Variants in TEX10 observed in about 807,000 individuals in gnomAD.
The protein encoded by TEX10 is testis-expressed protein 10.
A neutral mutation model predicts 104.4 loss-of-function variants in TEX10; 24 were observed. That is an observed-to-expected ratio of 0.23 (90% confidence interval 0.17 to 0.32). The LOEUF is 0.32. TEX10 is among the 10% of genes least tolerant of loss of function. The pLI is 1.00. For synonymous variants in TEX10, 396 were observed against 393.4 expected, an observed-to-expected ratio of 1.01 and a Z score of -0.08; for missense variants, 921 against 1,083.9, an observed-to-expected ratio of 0.85 and a Z score of 2.11.
chr9:100,341,160 T>C (rs1835162270), intron 4 of TEX10, among the ~76,000 whole-genome samples: 1 of 152,194 alleles, frequency 6.6e-6, no homozygotes, highest in African/African-American at 2.4e-5. Flanking sequence ...AGAGCTGGGT[T>C]TCACCATGTT....
rs1219616766 is a variant in TEX10, at chr9:100,340,251, T to C, written c.1250+6A>G. 3 of 1,518,208 alleles carry C rather than the reference T, an allele frequency of 2.0e-6. No homozygotes were observed. Among genetic ancestry groups the C allele is most frequent in the South Asian group, 2.5e-5 (2 of 79,390 alleles). 94.0% of individuals were successfully genotyped at this position (1,518,208 alleles called of 1,614,324 possible). A position where few individuals can be genotyped will look rare whatever the true frequency, so the allele number is the denominator to read the frequency against. On this transcript the variant is annotated splice_donor_region_variant and intron_variant, in intron 5 of 14. Transcript: ENST00000374902. ...AAGGTTATACAGTGAAAAAGAATCA[T>C]AATACCTTTTATTTGGCTCTTTCCT...
chr9:100,338,278 T>G (rs943961181), intron 5 of TEX10, among the ~76,000 whole-genome samples: 2 of 152,078 alleles, frequency 1.3e-5, no homozygotes, highest in Admixed American at 1.3e-4. Context: ...CAGACTCCAG[T>G]TTGTAGTTTT....
intron 4 of TEX10, 46 bp downstream of exon 4, chr9:100,346,026 T>TA: frequency 1.3e-6 from 2 of 1,551,146 alleles, no homozygotes; most frequent in Non-Finnish European, 1.7e-6. Context: ...CCATTTATGA[T>TA]AAAAGGCTAT....
chr9:100,325,133 T>C (rs1226827872), intron 9 of TEX10, among the ~76,000 whole-genome samples: 1 of 152,220 alleles, frequency 6.6e-6, no homozygotes, highest in East Asian at 1.9e-4. Context: ...ATATCTGTCC[T>C]ATACTGGTAT....
chr9:100,327,139 A>G (rs770797420), intron 8 of TEX10, among the ~76,000 whole-genome samples: 8 of 152,200 alleles, frequency 5.3e-5, no homozygotes, highest in Non-Finnish European at 7.3e-5. Context: ...CCATATAGAC[A>G]GAAAGTAGAT....
At chr9:100,314,867 T>C (rs561307359) in intron 11 of TEX10, among the ~76,000 whole-genome samples, 2 of 152,352 alleles carry the variant, frequency 1.3e-5, no homozygotes, top group Non-Finnish European at 2.9e-5. Flanking sequence ...TGAAGTTCCC[T>C]CTCAGCACTG....
chr9:100,346,852 C>T lies in TEX10; in HGVS notation c.735G>A (p.Leu245=). The T allele has an allele frequency of 2.5e-6, 4 of 1,614,160 alleles. No homozygotes were observed. The highest frequency in any genetic ancestry group is 2.5e-6 in the Non-Finnish European group (3 of 1,180,010). ...LQALADGSSR[L]RESEGLQEQK... Reference sequence around the variant, plus strand: ...GTTCCTGAAGTCCTTCACTTTCTCTCAACCTACTGGATCCATCTGCCAAGG... The same window carrying T: ...GTTCCTGAAGTCCTTCACTTTCTCTTAACCTACTGGATCCATCTGCCAAGG... The change falls in exon 3 of 15, where the codon TTG becomes TTA. Residue 245 remains leucine, a synonymous_variant. Transcript: ENST00000374902.
chr9:100,308,617 A>G lies in TEX10; in HGVS notation c.2348T>C (p.Leu783Pro). ...GCVFGVICKL[L>P]DHTCVVSETL... ...CTCACTAACTACACAAGTATGATCC[A>G]GGAGCTTACAGATAACACCAAAAAC... is the stretch of plus-strand genomic sequence containing the variant. Residue 783 changes from leucine (L) to proline (P), a missense_variant, in exon 13 of 15, where the codon CTG becomes CCG. Transcript: ENST00000374902. 1 of 1,612,408 alleles carries G rather than the reference A, an allele frequency of 6.2e-7. No homozygotes were observed. Among genetic ancestry groups the G allele is most frequent in the Non-Finnish European group, 8.5e-7 (1 of 1,179,070 alleles).
intron 2 of TEX10, 70 bp from the exon 3 acceptor site, chr9:100,347,476 C>T: frequency 8.1e-7 from 1 of 1,232,856 alleles, no homozygotes; most frequent in Non-Finnish European, 1.1e-6. Context: ...AACATGCTAA[C>T]TAACACTACA....
Position 100,326,484 on chromosome 9 carries a change from T to A in TEX10, c.1802-5A>T, listed in dbSNP as rs200930353. On this transcript the variant is annotated splice_polypyrimidine_tract_variant and splice_region_variant and intron_variant, in intron 8 of 14. Coordinates refer to ENST00000374902, the MANE Select transcript of TEX10 (RefSeq NM_017746.4). ...CCACAGCACCTTCTTGTGGATCTAG[T>A]GAGGTGGATAGACATATTAAAAACA... The A allele has an allele frequency of 2.2e-5, 35 of 1,612,182 alleles. No homozygotes were observed. The highest frequency in any genetic ancestry group is 2.7e-5 in the Non-Finnish European group (32 of 1,179,260).
intron 11 of TEX10, among the ~76,000 whole-genome samples, chr9:100,312,223 G>A (rs1429951148): frequency 6.6e-6 from 1 of 152,128 alleles, no homozygotes; most frequent in Non-Finnish European, 1.5e-5. Context: ...TCCCCTTGCT[G>A]CCCTAAACAA....
intron 2 of TEX10, 57 bp from the exon 3 acceptor site, chr9:100,347,463 G>T: frequency 7.3e-7 from 1 of 1,361,736 alleles, no homozygotes; most frequent in Non-Finnish European, 9.9e-7. Flanking sequence ...TCAATTTCAC[G>T]TAAACATGCT....
chr9:100,308,411 C>T, intron 13 of TEX10, 89 bp downstream of exon 13: 2 of 1,175,316 alleles, frequency 1.7e-6, no homozygotes, highest in South Asian at 3.8e-5. Context: ...ATCTGTATAA[C>T]CTAATTATCT....
At chr9:100,351,169 A>ACT (rs751316013) in intron 1 of TEX10, among the ~76,000 whole-genome samples, 1 of 152,012 alleles carries the variant, frequency 6.6e-6, no homozygotes, top group Non-Finnish European at 1.5e-5. Context: ...GTACCTCAGA[A>ACT]AAGTTTGGAA....
At chr9:100,352,745 C>G (rs1835494122) in intron 1 of TEX10, 27 bp downstream of exon 1, 1 of 1,171,920 alleles carries the variant, frequency 8.5e-7, no homozygotes, top group African/African-American at 1.6e-5. Flanking sequence ...CCGGGAGGAC[C>G]CGGCCCGACG....
intron 11 of TEX10, among the ~76,000 whole-genome samples, chr9:100,319,168 G>C (rs1419883091): frequency 3.3e-5 from 5 of 151,950 alleles, no homozygotes; most frequent in Non-Finnish European, 7.4e-5. Context: ...CTCCAGCCTG[G>C]GCGACAAAAG....
intron 1 of TEX10, among the ~76,000 whole-genome samples, chr9:100,352,131 T>C (rs1337346117): frequency 6.6e-6 from 1 of 152,154 alleles, no homozygotes; most frequent in African/African-American, 2.4e-5. Context: ...ATTTCCACCT[T>C]CTTTTCCAAA....
intron 11 of TEX10, among the ~76,000 whole-genome samples, chr9:100,314,398 T>A (rs1414692329): frequency 6.6e-6 from 1 of 152,162 alleles, no homozygotes; most frequent in Non-Finnish European, 1.5e-5. Flanking sequence ...GAGATTTTTT[T>A]ATTACCAATT....
rs541426223 is a variant in TEX10 at position 100,338,564 on chromosome 9, TA to T, written c.1250+1692del. Reference sequence around the variant, plus strand: ...ACCTAACTTCCTTTGCATACCTAGTTAACAATTATTTACATTAAATTCTCTT... The same window carrying T: ...ACCTAACTTCCTTTGCATACCTAGTTACAATTATTTACATTAAATTCTCTT... On this transcript the variant is annotated intron_variant, in intron 5 of 14. Transcript: ENST00000374902. Among the ~76,000 whole-genome samples, 17 of 152,294 alleles carry T rather than the reference TA, an allele frequency of 1.1e-4. No individual in the cohort carries two copies. The South Asian group carries it at 3.5e-3, about 32-fold the overall frequency.
Sources: gnomAD v4.1 joint callset for allele counts (sites outside exome capture counted in the v4.1 genomes callset) on GRCh38, gnomAD v4.1.1 for gene constraint, MANE v1.5 for transcripts, NCBI Gene and HGNC (gene_info 2026-07-23, HGNC 2026-07-21) for gene names.